Variants in ARID1B observed in about 807,000 individuals in gnomAD.
ARID1B encodes AT-rich interaction domain 1B.
In ARID1B, 30 loss-of-function variants were observed where a neutral mutation model predicts 212.3. That is an observed-to-expected ratio of 0.14 (90% confidence interval 0.11 to 0.19). The LOEUF (loss-of-function observed/expected upper bound fraction) is 0.19. Ranked by LOEUF, ARID1B falls within the 10% of genes least tolerant of loss-of-function variation. ARID1B has a pLI of 1.00. For missense variants in ARID1B, 2,891 were observed against 3,204.0 expected (o/e 0.90, Z 2.36); for synonymous variants, 1,402 against 1,301.7 (o/e 1.08, Z -1.66).
intron 2 of ARID1B, among the ~76,000 whole-genome samples, chr6:156,892,088 C>T (rs1409120545): frequency 4.3e-5 from 6 of 140,494 alleles, no homozygotes; most frequent in African/African-American, 8.0e-5. Context: ...TTAGTAGTGA[C>T]GGGGTTTCAC....
chr6:156,970,401 TA>T (rs1375797179), intron 4 of ARID1B, among the ~76,000 whole-genome samples: 3 of 152,146 alleles, frequency 2.0e-5, no homozygotes, highest in African/African-American at 7.2e-5. Flanking sequence ...ACTTTTTAAA[TA>T]AAAAATTTTT....
chr6:157,102,799 A>G (rs1053060795), intron 5 of ARID1B, among the ~76,000 whole-genome samples: 9 of 151,766 alleles, frequency 5.9e-5, no homozygotes, highest in Non-Finnish European at 1.2e-4. Flanking sequence ...GGGTTTCACC[A>G]TATTGACCAG....
chr6:157,055,538 G>A (rs12211179), intron 4 of ARID1B, among the ~76,000 whole-genome samples: 26,388 of 152,124 alleles, frequency 0.17, 2,933 homozygotes, highest in Admixed American at 0.29. Context: ...ACAATAGAAA[G>A]CTAACTTTAA....
rs2114998467 is a variant in ARID1B at position 156,779,191 on chromosome 6, A to G, written c.1511A>G (p.Gln504Arg). 1 of 1,327,826 alleles carries G rather than the reference A, an allele frequency of 7.5e-7. No individual in the cohort carries two copies. 82.3% of individuals were successfully genotyped at this position (1,327,826 alleles called of 1,614,324 possible). Residue 504 changes from glutamine to arginine, a missense_variant, in exon 1 of 20, where the codon CAG becomes CGG. Transcript: ENST00000636930. The part of the protein sequence containing the change: ...HPSGATPTLN[Q>R]LLTSPSPMMR... The stretch of plus-strand genomic sequence containing the variant: ...TCGGGGGCCACCCCGACCCTCAATC[A>G]GCTGCTCACCTCGCCCAGCCCCATG...
At chr6:156,882,634 G>T (rs1193383172) in intron 2 of ARID1B, among the ~76,000 whole-genome samples, 1 of 152,096 alleles carries the variant, frequency 6.6e-6, no homozygotes, top group African/African-American at 2.4e-5. Context: ...TCACACACTG[G>T]CCACATACTC....
At chr6:157,033,981 T>C (rs1781170238) in intron 4 of ARID1B, among the ~76,000 whole-genome samples, 1 of 152,208 alleles carries the variant, frequency 6.6e-6, no homozygotes, top group African/African-American at 2.4e-5. Context: ...CAAATTTGTC[T>C]CTGTATTTGT....
At chr6:157,026,510 C>T (rs1022657475) in intron 4 of ARID1B, among the ~76,000 whole-genome samples, 3 of 152,020 alleles carry the variant, frequency 2.0e-5, no homozygotes, top group African/African-American at 4.8e-5. Flanking sequence ...TGACAAGTGG[C>T]GGCGCCTGCC....
At chr6:157,144,218 G>A (rs1014093922) in intron 7 of ARID1B, among the ~76,000 whole-genome samples, 1 of 152,172 alleles carries the variant, frequency 6.6e-6, no homozygotes, top group Admixed American at 6.6e-5. Flanking sequence ...CCAGGAGGTT[G>A]GAGTGCCAGC....
chr6:157,155,327 G>A (rs149878209), intron 8 of ARID1B, among the ~76,000 whole-genome samples: 1 of 152,274 alleles, frequency 6.6e-6, no homozygotes, highest in East Asian at 1.9e-4. Flanking sequence ...TTGTGGGGGA[G>A]CAGAGTGGGA....
chr6:157,124,351 T>G (rs1278576410), intron 6 of ARID1B, among the ~76,000 whole-genome samples: 1 of 152,220 alleles, frequency 6.6e-6, no homozygotes, highest in African/African-American at 2.4e-5. Flanking sequence ...GAACTTACAG[T>G]CTGGCGAGAG....
intron 5 of ARID1B, among the ~76,000 whole-genome samples, chr6:157,098,612 A>G (rs1242808555): frequency 6.6e-6 from 1 of 152,226 alleles, no homozygotes; most frequent in Non-Finnish European, 1.5e-5. Context: ...CCTGCTTTCA[A>G]CCAAATCACA....
At chr6:156,928,811 G>T (rs558049575) in intron 3 of ARID1B, among the ~76,000 whole-genome samples, 6 of 152,152 alleles carry the variant, frequency 3.9e-5, no homozygotes, top group African/African-American at 1.4e-4. Flanking sequence ...TTTCATTTTC[G>T]CATTTCTTAC....
chr6:156,795,708 C>T (rs1170181785), intron 1 of ARID1B, among the ~76,000 whole-genome samples: 1 of 152,156 alleles, frequency 6.6e-6, no homozygotes, highest in Non-Finnish European at 1.5e-5. Flanking sequence ...CCCCAGGCTG[C>T]CCAGGCCTCC....
At chr6:156,802,863 TTATGAG>T (rs1452107178) in intron 1 of ARID1B, among the ~76,000 whole-genome samples, 1 of 152,248 alleles carries the variant, frequency 6.6e-6, no homozygotes, top group Non-Finnish European at 1.5e-5. Context: ...ACATATGTGT[TTATGAG>T]TATGTAGCTG....
intron 4 of ARID1B, chr6:157,022,516 T>C (rs921838509): frequency 2.0e-5 from 3 of 152,236 alleles, no homozygotes; most frequent in African/African-American, 7.2e-5. Flanking sequence ...TCTTGGTCAC[T>C]TGCAGGTGTT....
chr6:156,897,264 C>CTTATTATTATTATTA (rs1163995525), intron 2 of ARID1B, among the ~76,000 whole-genome samples: 1,687 of 83,478 alleles, frequency 0.02, 37 homozygotes, highest in Non-Finnish European at 0.024. Flanking sequence ...TCTTCTTCTT[C>CTTATTATTATTATTA]TTATTATTAT....
At chr6:157,085,411 G>T (rs191950356) in intron 5 of ARID1B, among the ~76,000 whole-genome samples, 4 of 152,148 alleles carry the variant, frequency 2.6e-5, no homozygotes, top group East Asian at 1.9e-4. Flanking sequence ...ATACAAACTC[G>T]TGCCTTCTCT....
intron 7 of ARID1B, among the ~76,000 whole-genome samples, chr6:157,142,712 A>G (rs1789463730): frequency 6.6e-6 from 1 of 152,248 alleles, no homozygotes; most frequent in African/African-American, 2.4e-5. Context: ...CACTGGCTAC[A>G]AAACAAGATA....
At chr6:157,198,759 G>C (rs2128365551) in intron 16 of ARID1B, 52 bp from the exon 17 acceptor site, 1 of 1,461,390 alleles carries the variant, frequency 6.8e-7, no homozygotes, top group Non-Finnish European at 9.4e-7. Context: ...TTATTTCTCT[G>C]TTTGCCTGAA....
Sources: gnomAD v4.1 joint callset for allele counts (sites outside exome capture counted in the v4.1 genomes callset) on GRCh38, gnomAD v4.1.1 for gene constraint, MANE v1.5 for transcripts, NCBI Gene and HGNC (gene_info 2026-07-23, HGNC 2026-07-21) for gene names.